TTC7A: variants seen among roughly 807,000 people sequenced by gnomAD.
The protein encoded by TTC7A is tetratricopeptide repeat protein 7A.
TTC7A carries 110 observed loss-of-function variants against 103.7 expected under a neutral mutation model. That is an observed-to-expected ratio of 1.06 (90% CI 0.91 to 1.24). The LOEUF (loss-of-function observed/expected upper bound fraction) is 1.24. Ranked by LOEUF, TTC7A falls within the 50% of genes most tolerant of loss-of-function variation. The pLI, the probability that TTC7A is intolerant of heterozygous loss-of-function variation, is 0.00. For synonymous variants in TTC7A, 521 were observed against 467.9 expected, an observed-to-expected ratio of 1.11 and a Z score of -1.47; for missense variants, 1,340 against 1,116.3, an observed-to-expected ratio of 1.20 and a Z score of -2.86.
At position 46,995,947 on chromosome 2, in the gene TTC7A, G is replaced by A. The variant is rs986367985; in HGVS notation, c.1065+748G>A. 5.9e-5 allele frequency among the ~76,000 whole-genome samples: 9 copies of A among 152,244 alleles called. 1 individual carries two copies. Among genetic ancestry groups the A allele is most frequent in the Admixed American group, 5.2e-4 (8 of 15,288 alleles). ...AAGAACACAGAGGAGAAGACAAATC[G>A]TGCTAGACAAAGCACACATGAAGTT... is the stretch of plus-strand genomic sequence containing the variant. On this transcript the variant is annotated intron_variant, in intron 8 of 19. Transcript: ENST00000319190.
At chr2:46,919,627 C>G in intron 2 of TTC7A, among the ~76,000 whole-genome samples, 1 of 152,206 alleles carries the variant, frequency 6.6e-6, no homozygotes, top group South Asian at 2.1e-4. Context: ...AATCCTGTGT[C>G]CCTAAAATCT....
rs545542737 is a variant in TTC7A at position 46,941,381 on chromosome 2, G to T, written c.-161G>T. On this transcript the variant is annotated 5_prime_UTR_variant, in exon 1 of 20. Coordinates refer to ENST00000319190, the MANE Select transcript of TTC7A (RefSeq NM_020458.4). This position sits in a 1 kb window ranked among gnomAD's most constrained non-coding sequence, Gnocchi z 4.2. ...AGCTGCTGGTGCTGCTGCTGCTGCT[G>T]CTGCCCACCCTCCGCCGCCCGGGCC... 1.8e-5 allele frequency: 9 copies of T among 494,458 alleles called. No homozygotes were observed. The highest frequency in any genetic ancestry group is 1.4e-4 in the African/African-American group (7 of 48,916). The allele number at this position is 494,458 out of a possible 1,614,324, so 30.6% of individuals were successfully genotyped here. A position where few individuals can be genotyped will look rare whatever the true frequency, so the allele number is the denominator to read the frequency against.
At chr2:46,921,601 G>A (rs1213665988) in intron 2 of TTC7A, among the ~76,000 whole-genome samples, 1 of 152,094 alleles carries the variant, frequency 6.6e-6, no homozygotes, top group Non-Finnish European at 1.5e-5. Flanking sequence ...TCACTTTAAA[G>A]AAAATAGTCA....
At chr2:47,045,574 G>C (rs564045872) in intron 15 of TTC7A, 1 of 152,224 alleles carries the variant, frequency 6.6e-6, no homozygotes, top group Admixed American at 6.5e-5. Context: ...CTCATTGCAC[G>C]GTAACTGTCC....
At chr2:47,052,622 C>T (rs1446016286) in intron 18 of TTC7A, among the ~76,000 whole-genome samples, 1 of 152,124 alleles carries the variant, frequency 6.6e-6, no homozygotes, top group East Asian at 1.9e-4. Flanking sequence ...TGAAAATTTA[C>T]CCTGACAGTA....
chr2:46,934,225 G>A (rs1055148374), intron 2 of TTC7A, among the ~76,000 whole-genome samples: 1 of 152,066 alleles, frequency 6.6e-6, no homozygotes, highest in Non-Finnish European at 1.5e-5. Context: ...ACTGTTTTTT[G>A]CAGAAGTTTT....
Position 46,917,034 on chromosome 2 carries a change from T to G in TTC7A, c.-12-150T>G. On this transcript the variant is annotated intron_variant, in intron 1 of 20. Coordinates refer to the TTC7A transcript ENST00000409245. Reference sequence around the variant, plus strand: ...GTCCGGACAGGAAAGACAAAGAAAGTGGCTAAGTAGTTAGATGCCTTGAAA... The same window carrying G: ...GTCCGGACAGGAAAGACAAAGAAAGGGGCTAAGTAGTTAGATGCCTTGAAA... 5.0e-6 allele frequency: 3 copies of G among 603,188 alleles called. 1 individual carries two copies. The South Asian group carries it at 5.9e-5, about 12-fold the overall frequency. The allele number at this position is 603,188 out of a possible 1,614,324, so 37.4% of individuals were successfully genotyped here.
rs1053127651 is a variant in TTC7A, at chr2:47,007,621, C to G, written c.1287+897C>G. 1.3e-5 allele frequency among the ~76,000 whole-genome samples: 2 copies of G among 152,142 alleles called. No individual in the cohort carries two copies. Among genetic ancestry groups the G allele is most frequent in the Non-Finnish European group, 2.9e-5 (2 of 68,010 alleles). ...CCCTCCTGGCTTGCCAGTGCCTCCT[C>G]CACGCATCAAGGGCGTGCCAGCCAG... On this transcript the variant is annotated intron_variant, in intron 10 of 19. Transcript: ENST00000319190. This position sits in a 1 kb window ranked among gnomAD's most constrained non-coding sequence, Gnocchi z 4.9.
chr2:46,963,853 A>T (rs11685461), intron 3 of TTC7A, among the ~76,000 whole-genome samples: 101,242 of 151,910 alleles, frequency 0.67, 34,436 homozygotes, highest in East Asian at 0.75. Flanking sequence ...CTTCTCATGG[A>T]CCTGGCTTGG....
At chr2:47,050,118 A>T (rs1376029401) in intron 17 of TTC7A, 72 bp downstream of exon 17, 1 of 1,291,570 alleles carries the variant, frequency 7.7e-7, no homozygotes, top group East Asian at 2.3e-5. Flanking sequence ...GAGCACCAAC[A>T]CAGAGAGGGG....
Position 47,011,317 on chromosome 2 carries a change from CTT to C in TTC7A, c.1288-8_1288-7del. ...ACTGTGAGTGACAGTGTTTCCTGCT[CTT>C]TTTTTCTGCAGTCAGCCTACGCTGT... On this transcript the variant is annotated splice_polypyrimidine_tract_variant and intron_variant, in intron 10 of 19. Coordinates refer to ENST00000319190, the MANE Select transcript of TTC7A (RefSeq NM_020458.4). 1 of 1,611,612 alleles carries C rather than the reference CTT, an allele frequency of 6.2e-7. No homozygotes were observed. Among genetic ancestry groups the C allele is most frequent in the Non-Finnish European group, 8.5e-7 (1 of 1,178,598 alleles).
At chr2:47,055,716 G>A (rs1683256985) in intron 18 of TTC7A, among the ~76,000 whole-genome samples, 1 of 152,270 alleles carries the variant, frequency 6.6e-6, no homozygotes, top group Non-Finnish European at 1.5e-5. Flanking sequence ...GGGGAAGCTG[G>A]CCTGAGTCTC....
At chr2:46,928,080 C>T (rs2117168) in intron 2 of TTC7A, among the ~76,000 whole-genome samples, 119,612 of 151,168 alleles carry the variant, frequency 0.79, 47,972 homozygotes, top group African/African-American at 0.91. Flanking sequence ...TTTGTAGAGA[C>T]GGGTTTTTGC....
chr2:47,022,420 T>G (rs566263516), intron 12 of TTC7A, among the ~76,000 whole-genome samples: 1 of 152,286 alleles, frequency 6.6e-6, no homozygotes, highest in South Asian at 2.1e-4. Context: ...CCTCAATACG[T>G]GGCATAGGGC....
chr2:47,057,013 A>G (rs979093154), intron 18 of TTC7A, among the ~76,000 whole-genome samples: 1 of 152,212 alleles, frequency 6.6e-6, no homozygotes, highest in African/African-American at 2.4e-5. Flanking sequence ...TGTGGGCACC[A>G]CTGGGTCCTG....
chr2:47,042,638 A>G (rs1681876553), intron 15 of TTC7A, among the ~76,000 whole-genome samples: 1 of 152,084 alleles, frequency 6.6e-6, no homozygotes, highest in Middle Eastern at 3.2e-3. Context: ...TCTGGTCTCA[A>G]ACAGTCATAT....
At chr2:47,037,935 A>G (rs1436009150) in intron 15 of TTC7A, among the ~76,000 whole-genome samples, 1 of 152,162 alleles carries the variant, frequency 6.6e-6, no homozygotes, top group African/African-American at 2.4e-5. Flanking sequence ...AGACGCTGTC[A>G]TTCTCATTTT....
intron 18 of TTC7A, among the ~76,000 whole-genome samples, chr2:47,057,225 G>T (rs1036841011): frequency 6.6e-6 from 1 of 152,208 alleles, no homozygotes; most frequent in Non-Finnish European, 1.5e-5. Flanking sequence ...TACCCTGGAG[G>T]CTGGCCCTGC....
chr2:47,032,740 C>T (rs1239858021), intron 15 of TTC7A, among the ~76,000 whole-genome samples: 1 of 151,506 alleles, frequency 6.6e-6, no homozygotes, highest in East Asian at 1.9e-4. Flanking sequence ...CCTCCAGGAT[C>T]CCGAGGAGCT....
Sources: gnomAD v4.1 joint callset for allele counts (sites outside exome capture counted in the v4.1 genomes callset) on GRCh38, gnomAD v4.1.1 for gene constraint, Gnocchi (gnomAD v3.1) non-coding constraint, MANE v1.5 for transcripts, NCBI Gene and HGNC (gene_info 2026-07-23, HGNC 2026-07-21) for gene names.